GALNT18: variants seen among roughly 807,000 people sequenced by gnomAD.
GALNT18 encodes the protein GalNAc-transferase 18.
Under a neutral mutation model 69.5 loss-of-function variants are expected in GALNT18, and 44 were observed. The ratio of observed to expected loss-of-function variants is 0.63; its 90% CI spans 0.50 to 0.81. The LOEUF (loss-of-function observed/expected upper bound fraction) is 0.81, where lower values mean the gene tolerates loss of function less well. GALNT18 is among the 40% of genes least tolerant of loss of function. The pLI is 0.00. For synonymous variants in GALNT18, 364 were observed against 318.2 expected (o/e 1.14, Z -1.53); for missense variants, 715 against 810.0 (o/e 0.88, Z 1.42).
intron 9 of GALNT18, among the ~76,000 whole-genome samples, chr11:11,299,571 T>C (rs569371835): frequency 6.6e-6 from 1 of 152,202 alleles, no homozygotes; most frequent in Non-Finnish European, 1.5e-5. Flanking sequence ...GAGCATAGGA[T>C]GTTTGGTTTT....
chr11:11,356,364 G>A lies in GALNT18; in HGVS notation c.1093-15360C>T, dbSNP rs1283550437. Among the ~76,000 whole-genome samples the A allele has an allele frequency of 6.6e-6, 1 of 152,176 alleles. No homozygotes were observed. The highest frequency in any genetic ancestry group is 1.5e-5 in the Non-Finnish European group (1 of 68,030). ...GCCAAGAAGCTACCTTCCAGGGTCT[G>A]ATACCGACCAGCATGCAGACTCAGC... On this transcript the variant is annotated intron_variant, in intron 6 of 10. Coordinates refer to ENST00000227756, the MANE Select transcript of GALNT18 (RefSeq NM_198516.3). The surrounding 1 kb of genome is among the most constrained non-coding windows in gnomAD (Gnocchi z 4.4).
chr11:11,502,295 A>G (rs925121645), intron 1 of GALNT18, among the ~76,000 whole-genome samples: 2 of 152,192 alleles, frequency 1.3e-5, no homozygotes, highest in Non-Finnish European at 2.9e-5. Context: ...TCTGTGTACC[A>G]TCTGACGTGG....
chr11:11,388,462 A>G (rs1854104361), intron 3 of GALNT18, among the ~76,000 whole-genome samples: 1 of 152,250 alleles, frequency 6.6e-6, no homozygotes, highest in Non-Finnish European at 1.5e-5. Flanking sequence ...AGTTTAACAC[A>G]GTCTCCCTTT....
Position 11,538,474 on chromosome 11 carries a change from C to G in GALNT18, c.235+82885G>C, listed in dbSNP as rs1857834955. 6.6e-6 allele frequency among the ~76,000 whole-genome samples: 1 copy of G among 152,220 alleles called. No individual in the cohort carries two copies. The highest frequency in any genetic ancestry group is 1.5e-5 in the Non-Finnish European group (1 of 68,032). On this transcript the variant is annotated intron_variant, in intron 1 of 10. Coordinates refer to ENST00000227756, the MANE Select transcript of GALNT18 (RefSeq NM_198516.3). This position sits in a 1 kb window ranked among gnomAD's most constrained non-coding sequence, Gnocchi z 5.2. ...TCCAGCTCCCAGAGGCCTGGGCCTG[C>G]AGGGTGGGAGAGACCAGCATACCAC...
chr11:11,490,234 A>ACAC (rs1856738130), intron 1 of GALNT18, among the ~76,000 whole-genome samples: 43 of 125,180 alleles, frequency 3.4e-4, no homozygotes, highest in Middle Eastern at 4.3e-3. Flanking sequence ...CTCTCTCTCT[A>ACAC]ACACACACAC....
chr11:11,290,988 AAAC>A (rs1446006438), intron 10 of GALNT18, among the ~76,000 whole-genome samples: 6 of 152,210 alleles, frequency 3.9e-5, no homozygotes, highest in African/African-American at 7.2e-5. Context: ...TCGACTTGAG[AAAC>A]AACAGCCATC....
rs373960018 is a variant in GALNT18 at position 11,469,193 on chromosome 11, G to T, written c.236-20257C>A. 3.9e-5 allele frequency among the ~76,000 whole-genome samples: 6 copies of T among 152,278 alleles called. No homozygotes were observed. The East Asian group carries it at 1.2e-3, about 29-fold the overall frequency. On this transcript the variant is annotated intron_variant, in intron 1 of 10. Coordinates refer to ENST00000227756, the MANE Select transcript of GALNT18 (RefSeq NM_198516.3). The surrounding 1 kb of genome is among the most constrained non-coding windows in gnomAD (Gnocchi z 4.2). ...TCTGAGTTGCTATAAACATAAAGAA[G>T]CCCGTCTGCTTTCTTGCCTCTGTGA... is the stretch of plus-strand genomic sequence containing the variant.
In GALNT18 at chr11:11,432,592, C is replaced by T. The variant is rs767336818; in HGVS notation, c.595+29G>A. ...CTTAGATGTCAGCCAGGAAGTAGGG[C>T]CTGGGCCCTGGGAAGCTCCGACACT... On this transcript the variant is annotated intron_variant, in intron 3 of 10. Coordinates refer to ENST00000227756, the MANE Select transcript of GALNT18 (RefSeq NM_198516.3). This position sits in a 1 kb window ranked among gnomAD's most constrained non-coding sequence, Gnocchi z 5.8. The T allele has an allele frequency of 1.9e-6, 3 of 1,582,596 alleles. No homozygotes were observed. Among genetic ancestry groups the T allele is most frequent in the South Asian group, 1.2e-5 (1 of 86,592 alleles).
In GALNT18 at chr11:11,444,798, A is replaced by C. The variant is rs56193944; in HGVS notation, c.428+3946T>G. ...TGGAAGAAAAGAGCCAAGAATACCA[A>C]GAGCAAAGTGTGGAATACAAGCAGC... On this transcript the variant is annotated intron_variant, in intron 2 of 10. Coordinates refer to ENST00000227756, the MANE Select transcript of GALNT18 (RefSeq NM_198516.3). The surrounding 1 kb of genome is among the most constrained non-coding windows in gnomAD (Gnocchi z 4.4). Among the ~76,000 whole-genome samples, 2,285 of 152,348 alleles carry C rather than the reference A, an allele frequency of 0.015. 30 individuals carry two copies. Among genetic ancestry groups the C allele is most frequent in the Non-Finnish European group, 0.025 (1,677 of 68,038 alleles).
At chr11:11,355,703 AT>A (rs1220425193) in intron 6 of GALNT18, among the ~76,000 whole-genome samples, 1 of 152,170 alleles carries the variant, frequency 6.6e-6, no homozygotes, top group Non-Finnish European at 1.5e-5. Context: ...ATTTCTCTAT[AT>A]TACTACAATC....
intron 10 of GALNT18, among the ~76,000 whole-genome samples, chr11:11,291,288 TCC>T (rs1849291729): frequency 6.6e-6 from 1 of 151,910 alleles, no homozygotes; most frequent in Non-Finnish European, 1.5e-5. Context: ...CGTGGCCACT[TCC>T]GACATAGCTT....
At chr11:11,371,323 A>T (rs1850899335) in intron 6 of GALNT18, among the ~76,000 whole-genome samples, 1 of 152,174 alleles carries the variant, frequency 6.6e-6, no homozygotes, top group South Asian at 2.1e-4. Flanking sequence ...CTGGTGGGGT[A>T]GGAGATTGAA....
intron 3 of GALNT18, among the ~76,000 whole-genome samples, chr11:11,393,057 G>A (rs1007806705): frequency 6.6e-6 from 1 of 152,178 alleles, no homozygotes; most frequent in Non-Finnish European, 1.5e-5. Flanking sequence ...AGGCAGGGCA[G>A]GGCATGTCCA....
At chr11:11,503,133 C>T (rs551332813) in intron 1 of GALNT18, among the ~76,000 whole-genome samples, 123 of 152,250 alleles carry the variant, frequency 8.1e-4, no homozygotes, top group Middle Eastern at 3.4e-3. Flanking sequence ...AGGAAGTAGA[C>T]GGATTTTAGT....
intron 1 of GALNT18, among the ~76,000 whole-genome samples, chr11:11,570,403 C>G (rs1219547352): frequency 1.3e-5 from 2 of 152,242 alleles, no homozygotes; most frequent in Admixed American, 1.3e-4. Context: ...CCAGCCCTCA[C>G]ATGATCTAGC....
At chr11:11,362,771 G>A (rs1850672211) in intron 6 of GALNT18, among the ~76,000 whole-genome samples, 2 of 152,050 alleles carry the variant, frequency 1.3e-5, no homozygotes, top group South Asian at 4.2e-4. Context: ...CCCTCTGGAG[G>A]GATATTTGAT....
intron 6 of GALNT18, among the ~76,000 whole-genome samples, chr11:11,366,556 T>C (rs140775134): frequency 1.8e-4 from 27 of 152,336 alleles, no homozygotes; most frequent in African/African-American, 6.0e-4. Flanking sequence ...TTTAATCATA[T>C]AACATCTATT....
Position 11,432,611 on chromosome 11 carries a change from C to T in GALNT18, c.595+10G>A, listed in dbSNP as rs757370401. 2.1e-5 allele frequency: 34 copies of T among 1,599,312 alleles called. No individual in the cohort carries two copies. The highest frequency in any genetic ancestry group is 4.5e-5 in the East Asian group (2 of 44,214). On this transcript the variant is annotated intron_variant, in intron 3 of 10. Transcript: ENST00000227756. This position sits in a 1 kb window ranked among gnomAD's most constrained non-coding sequence, Gnocchi z 5.8. ...GTAGGGCCTGGGCCCTGGGAAGCTCCGACACTCACCGTTACTGCTGTTGTC... is the reference window on the plus strand; with the variant it reads ...GTAGGGCCTGGGCCCTGGGAAGCTCTGACACTCACCGTTACTGCTGTTGTC...
rs916603718 is a variant in GALNT18, at chr11:11,389,883, C to T, written c.596-10619G>A. Among the ~76,000 whole-genome samples the T allele has an allele frequency of 3.3e-5, 5 of 152,160 alleles. No homozygotes were observed. The highest frequency in any genetic ancestry group is 4.4e-5 in the Non-Finnish European group (3 of 68,024). On this transcript the variant is annotated intron_variant, in intron 3 of 10. Coordinates refer to ENST00000227756, the MANE Select transcript of GALNT18 (RefSeq NM_198516.3). The surrounding 1 kb of genome is among the most constrained non-coding windows in gnomAD (Gnocchi z 4.3). ...GGTCCAGTGCCCTTAGCAGTTAAGCCAGAGGCCAACTTGAATTTTGGTGCT... is the reference window on the plus strand; with the variant it reads ...GGTCCAGTGCCCTTAGCAGTTAAGCTAGAGGCCAACTTGAATTTTGGTGCT...
Sources: gnomAD v4.1 joint callset for allele counts (sites outside exome capture counted in the v4.1 genomes callset) on GRCh38, gnomAD v4.1.1 for gene constraint, Gnocchi (gnomAD v3.1) non-coding constraint, MANE v1.5 for transcripts, NCBI Gene and HGNC (gene_info 2026-07-23, HGNC 2026-07-21) for gene names.